SLC6A6: variants seen among roughly 807,000 people sequenced by gnomAD.
SLC6A6 encodes sodium- and chloride-dependent taurine transporter.
In SLC6A6, 16 loss-of-function variants were observed where a neutral mutation model predicts 68.8. That is an observed-to-expected ratio of 0.23 (90% CI 0.16 to 0.35). SLC6A6 has a LOEUF of 0.35. Among genes scored for constraint, SLC6A6 ranks in the 10% least tolerant of loss-of-function variants. SLC6A6 has a pLI of 1.00. For synonymous variants in SLC6A6, 312 were observed against 315.4 expected, an observed-to-expected ratio of 0.99 and a Z score of 0.12; for missense variants, 474 against 802.8, an observed-to-expected ratio of 0.59 and a Z score of 4.95.
intron 2 of SLC6A6, among the ~76,000 whole-genome samples, chr3:14,441,213 G>T (rs1281068108): frequency 6.6e-6 from 1 of 152,116 alleles, no homozygotes; most frequent in East Asian, 1.9e-4. Context: ...TGCCAATGAG[G>T]TCATGAGCTT....
At chr3:14,470,186 T>TTTTC (rs1700719781) in intron 9 of SLC6A6, among the ~76,000 whole-genome samples, 1 of 152,164 alleles carries the variant, frequency 6.6e-6, no homozygotes, top group South Asian at 2.1e-4. Context: ...CAACGAAGTA[T>TTTTC]TTTCGTAGAC....
chr3:14,470,176 C>CA (rs1700719444), intron 9 of SLC6A6, among the ~76,000 whole-genome samples: 1 of 152,174 alleles, frequency 6.6e-6, no homozygotes, highest in Admixed American at 6.5e-5. Flanking sequence ...CCTCCATGGA[C>CA]AACGAAGTAT....
At chr3:14,469,228 C>G (rs1212814286) in intron 9 of SLC6A6, among the ~76,000 whole-genome samples, 2 of 152,062 alleles carry the variant, frequency 1.3e-5, no homozygotes, top group East Asian at 3.9e-4. Flanking sequence ...AGCCCCACCC[C>G]GTCCATGTCC....
intron 1 of SLC6A6, among the ~76,000 whole-genome samples, chr3:14,408,436 G>A (rs966086856): frequency 6.6e-6 from 1 of 151,732 alleles, no homozygotes; most frequent in Non-Finnish European, 1.5e-5. Context: ...CCAGGTTCAA[G>A]CGATTCTCCT....
intron 5 of SLC6A6, among the ~76,000 whole-genome samples, chr3:14,456,385 C>T (rs954792739): frequency 6.6e-6 from 1 of 152,180 alleles, no homozygotes; most frequent in African/African-American, 2.4e-5. Context: ...GCTGTCCTCC[C>T]AGTTGAGTCC....
At chr3:14,420,611 C>T (rs1266572405) in intron 2 of SLC6A6, among the ~76,000 whole-genome samples, 1 of 151,884 alleles carries the variant, frequency 6.6e-6, no homozygotes, top group Non-Finnish European at 1.5e-5. Context: ...CCACCTCAGC[C>T]TCCTGAGTAC....
rs1391685142 is a variant in SLC6A6, at chr3:14,445,592, T to G, written c.230-125T>G. On this transcript the variant is annotated intron_variant, in intron 3 of 14. Transcript: ENST00000622186. ...AGCATTTCCCACCAGGTCCAAGAGT[T>G]TGGCCTTGAGCCTCATGCCCCTCAT... 40 of 1,078,980 alleles carry G rather than the reference T, an allele frequency of 3.7e-5. No homozygotes were observed. In the Admixed American group the frequency reaches 7.2e-4, roughly 19 times the overall value. 66.8% of individuals were successfully genotyped at this position (1,078,980 alleles called of 1,614,324 possible).
At position 14,447,599 on chromosome 3, in the gene SLC6A6, G is replaced by A. The variant is rs62233560; in HGVS notation, c.382G>A (p.Val128Ile). Residue 128 changes from valine to isoleucine, a missense_variant, in exon 5 of 15, where the codon GTT becomes ATT. By Grantham distance (29) the Val-to-Ile change is conservative. Transcript: ENST00000622186. Reference protein sequence around the residue: ...PLFSGIGYASVVIVSLLNVYY... With the variant: ...PLFSGIGYASIVIVSLLNVYY... ...ACCTGCAGGTATCGGCTATGCCTCC[G>A]TTGTAATTGTGTCCCTCCTGAATGT... 17,355 of 1,614,172 alleles carry A rather than the reference G, an allele frequency of 0.011. 198 individuals carry two copies. Among genetic ancestry groups the A allele is most frequent in the South Asian group, 0.01 (931 of 91,088 alleles).
rs563844068 is a variant in SLC6A6 at position 14,443,931 on chromosome 3, C to G, written c.229+68C>G. 145 of 1,143,570 alleles carry G rather than the reference C, an allele frequency of 1.3e-4. No homozygotes were observed. In the East Asian group the frequency reaches 3.3e-3, roughly 26 times the overall value. The allele number at this position is 1,143,570 out of a possible 1,614,324, so 70.8% of individuals were successfully genotyped here. The stretch of plus-strand genomic sequence containing the variant: ...GCCGCCTTAGAGCTGGAGGCTGGGA[C>G]CAGAGCGTGGGTGGCCTCTCTTTCC... On this transcript the variant is annotated intron_variant, in intron 3 of 14. Coordinates refer to ENST00000622186, the MANE Select transcript of SLC6A6 (RefSeq NM_003043.6).
intron 2 of SLC6A6, among the ~76,000 whole-genome samples, chr3:14,418,946 C>G (rs1272874906): frequency 6.6e-6 from 1 of 152,214 alleles, no homozygotes; most frequent in East Asian, 1.9e-4. Context: ...CCTTCCCCTT[C>G]CCCCGGGACT....
At chr3:14,415,719 CG>C (rs1232954703) in intron 1 of SLC6A6, among the ~76,000 whole-genome samples, 55 of 152,202 alleles carry the variant, frequency 3.6e-4, no homozygotes, top group African/African-American at 1.3e-3. Flanking sequence ...AGAACCCCCC[CG>C]CTCCAAAAAA....
intron 2 of SLC6A6, among the ~76,000 whole-genome samples, chr3:14,430,588 T>G (rs1276425031): frequency 6.6e-6 from 1 of 152,236 alleles, no homozygotes; most frequent in Non-Finnish European, 1.5e-5. Flanking sequence ...GCTTTTCTTC[T>G]GGCTGAGCAG....
rs74324279 is a variant in SLC6A6 at position 14,446,391 on chromosome 3, A to C, written c.364+540A>C. On this transcript the variant is annotated intron_variant, in intron 4 of 14. Coordinates refer to ENST00000622186, the MANE Select transcript of SLC6A6 (RefSeq NM_003043.6). ...TATACAGGGACATAAAGATGGGAGCAACAGACGCTGGGGACTCCACAAGGG... is the reference window on the plus strand; with the variant it reads ...TATACAGGGACATAAAGATGGGAGCCACAGACGCTGGGGACTCCACAAGGG... Among the ~76,000 whole-genome samples the C allele has an allele frequency of 4.8e-3, 737 of 152,330 alleles. 20 individuals carry two copies. The East Asian group carries it at 0.082, about 17-fold the overall frequency.
intron 1 of SLC6A6, among the ~76,000 whole-genome samples, chr3:14,409,694 G>A (rs934246784): frequency 6.6e-6 from 1 of 152,212 alleles, no homozygotes; most frequent in Admixed American, 6.5e-5. Flanking sequence ...AGTCTAAGAT[G>A]GTTTATGCCA....
At chr3:14,475,081 G>C (rs550596081) in intron 10 of SLC6A6, among the ~76,000 whole-genome samples, 7 of 152,362 alleles carry the variant, frequency 4.6e-5, no homozygotes, top group African/African-American at 1.7e-4. Context: ...GCCCAGGTTA[G>C]AGTGCAGTGG....
At chr3:14,405,282 T>C (rs1025388290) in intron 1 of SLC6A6, among the ~76,000 whole-genome samples, 1 of 152,196 alleles carries the variant, frequency 6.6e-6, no homozygotes, top group Non-Finnish European at 1.5e-5. Context: ...CTACCCATTC[T>C]GCTGCAGGGG....
At chr3:14,483,578 G>A (rs909982033) in intron 14 of SLC6A6, among the ~76,000 whole-genome samples, 7 of 152,236 alleles carry the variant, frequency 4.6e-5, no homozygotes, top group African/African-American at 1.7e-4. Flanking sequence ...GCTCAGGTGA[G>A]GGAAGTCATG....
intron 5 of SLC6A6, among the ~76,000 whole-genome samples, chr3:14,451,383 G>A (rs1374462372): frequency 2.0e-5 from 3 of 152,226 alleles, no homozygotes; most frequent in African/African-American, 7.2e-5. Flanking sequence ...AGGCAGAAAA[G>A]GAGAGTGACA....
In SLC6A6 at chr3:14,487,864, C is replaced by T. The variant is rs1044570034; in HGVS notation, c.*2857C>T. 1.3e-5 allele frequency: 2 copies of T among 152,470 alleles called. No individual in the cohort carries two copies. Among genetic ancestry groups the T allele is most frequent in the African/African-American group, 4.8e-5 (2 of 41,446 alleles). 9.4% of individuals were successfully genotyped at this position (152,470 alleles called of 1,614,324 possible). A position where few individuals can be genotyped will look rare whatever the true frequency, so the allele number is the denominator to read the frequency against. On this transcript the variant is annotated 3_prime_UTR_variant, in exon 15 of 15. Coordinates refer to ENST00000622186, the MANE Select transcript of SLC6A6 (RefSeq NM_003043.6). Reference sequence around the variant, plus strand: ...AACCAGGGCTACATCCAGCAACATCCTCAAGGTCTTCCTGACAACCAAAGA... The same window carrying T: ...AACCAGGGCTACATCCAGCAACATCTTCAAGGTCTTCCTGACAACCAAAGA...
Sources: allele counts gnomAD v4.1 joint callset (sites outside exome capture counted in the v4.1 genomes callset), GRCh38; gene constraint gnomAD v4.1.1; transcripts MANE v1.5; gene names NCBI Gene and HGNC (gene_info 2026-07-23, HGNC 2026-07-21).